Variants in FRYL observed in about 807,000 individuals in gnomAD.
FRYL encodes FRY like transcription coactivator, also known as protein furry homolog-like.
A neutral mutation model predicts 351.2 loss-of-function variants in FRYL; 150 were observed. The observed-to-expected ratio is 0.43, with a 90% CI of 0.37 to 0.49. The LOEUF is 0.49. Ranked by LOEUF, FRYL falls within the 20% of genes least tolerant of loss-of-function variation. FRYL has a pLI of 0.00. For synonymous variants in FRYL, 1,153 were observed against 1,257.1 expected, an observed-to-expected ratio of 0.92 and a Z score of 1.75; for missense variants, 3,036 against 3,619.3, an observed-to-expected ratio of 0.84 and a Z score of 4.13.
intron 1 of FRYL, among the ~76,000 whole-genome samples, chr4:48,715,360 A>G (rs1485874446): frequency 1.3e-5 from 2 of 152,204 alleles, no homozygotes; most frequent in East Asian, 1.9e-4. Flanking sequence ...ACACGATTGT[A>G]TATCTAGAAA....
intron 1 of FRYL, among the ~76,000 whole-genome samples, chr4:48,737,530 G>A (rs1184858573): frequency 6.6e-6 from 1 of 152,010 alleles, no homozygotes; most frequent in Non-Finnish European, 1.5e-5. Context: ...ACATTCACTG[G>A]TGAATTCTAC....
intron 35 of FRYL, among the ~76,000 whole-genome samples, chr4:48,554,400 A>T (rs1733608134): frequency 6.6e-6 from 1 of 151,000 alleles, no homozygotes; most frequent in African/African-American, 2.4e-5. Context: ...GTGCAGTGGC[A>T]CCATCGTGGC....
At chr4:48,657,234 G>A (rs527341926) in intron 3 of FRYL, among the ~76,000 whole-genome samples, 8 of 152,066 alleles carry the variant, frequency 5.3e-5, no homozygotes, top group Admixed American at 3.9e-4. Flanking sequence ...GCAGTAGCAC[G>A]AACAAGGTTC....
At chr4:48,622,341 G>T (rs1299345545) in intron 5 of FRYL, among the ~76,000 whole-genome samples, 3 of 152,086 alleles carry the variant, frequency 2.0e-5, no homozygotes, top group Non-Finnish European at 4.4e-5. Context: ...AGGTCTTACT[G>T]CCCTATTTAT....
chr4:48,736,858 AAAAAAAAAAAAAG>A (rs1289361839), intron 1 of FRYL, among the ~76,000 whole-genome samples: 1 of 149,582 alleles, frequency 6.7e-6, no homozygotes, highest in Non-Finnish European at 1.5e-5. Context: ...TCGAAAAAAA[AAAAAAAAAAAAAG>A]AAAAAAGAAA....
At chr4:48,581,043 TA>T in intron 21 of FRYL, 92 bp from the exon 22 acceptor site, 13 of 618,580 alleles carry the variant, frequency 2.1e-5, no homozygotes, top group South Asian at 4.8e-5. Flanking sequence ...ACTTCAGCAC[TA>T]TTTTTTTTTT....
intron 30 of FRYL, 116 bp downstream of exon 30, chr4:48,564,817 T>G: frequency 1.8e-6 from 1 of 553,456 alleles, no homozygotes; most frequent in African/African-American, 1.9e-5. Flanking sequence ...GCTTTTTGCA[T>G]ATGATCCTAA....
At chr4:48,585,184 T>G (rs1281354867) in intron 19 of FRYL, among the ~76,000 whole-genome samples, 1 of 152,220 alleles carries the variant, frequency 6.6e-6, no homozygotes, top group African/African-American at 2.4e-5. Flanking sequence ...AGGAATAGTA[T>G]CATAAATAAT....
chr4:48,566,091 C>T lies in FRYL; in HGVS notation c.3170-400G>A, dbSNP rs117773288. On this transcript the variant is annotated intron_variant, in intron 28 of 63. Coordinates refer to ENST00000358350, the MANE Select transcript of FRYL (RefSeq NM_015030.2). ...TTCACTGGTAAGTAAGGGCTTTGGA[C>T]GAGATACGTGTTTTCAAACTTTCTA... Among the ~76,000 whole-genome samples, 47 of 152,138 alleles carry T rather than the reference C, an allele frequency of 3.1e-4. No individual in the cohort carries two copies. The East Asian group carries it at 7.9e-3, about 26-fold the overall frequency.
chr4:48,584,056 T>C (rs1319514317), intron 19 of FRYL, among the ~76,000 whole-genome samples: 1 of 152,042 alleles, frequency 6.6e-6, no homozygotes, highest in Admixed American at 6.6e-5. Flanking sequence ...GTTACAGAAG[T>C]TTACCATAAC....
intron 13 of FRYL, among the ~76,000 whole-genome samples, chr4:48,596,728 T>C: frequency 6.6e-6 from 1 of 152,286 alleles, no homozygotes; most frequent in Middle Eastern, 3.4e-3. Flanking sequence ...ATTTAAATTA[T>C]TATTATTTAG....
In FRYL at chr4:48,589,885, A is replaced by G; in HGVS notation, c.1508-8T>C. On this transcript the variant is annotated splice_polypyrimidine_tract_variant and splice_region_variant and intron_variant, in intron 17 of 63. Coordinates refer to ENST00000358350, the MANE Select transcript of FRYL (RefSeq NM_015030.2). ...GATAGTAAACTGACATTCCTAGGGG[A>G]AAAAACTTCACAGTTATAAAATATC... 6.2e-7 allele frequency: 1 copy of G among 1,602,330 alleles called. No individual in the cohort carries two copies. The highest frequency in any genetic ancestry group is 8.5e-7 in the Non-Finnish European group (1 of 1,171,684).
intron 1 of FRYL, among the ~76,000 whole-genome samples, chr4:48,716,443 A>G (rs1462587953): frequency 6.6e-6 from 1 of 151,358 alleles, no homozygotes; most frequent in Admixed American, 6.6e-5. Flanking sequence ...AAAACAAACA[A>G]CCCCGTCAGA....
rs756148902 is a variant in FRYL at position 48,575,124 on chromosome 4, C to T, written c.2839G>A (p.Ala947Thr). The change falls in exon 25 of 64, where the codon GCT (alanine) becomes ACT (threonine). Residue 947 changes from alanine to threonine, a missense_variant. Around this residue, in one of 7 missense-constraint regions of FRYL, gnomAD observed 492 missense variants for 551.5 expected, o/e 0.89. Coordinates refer to ENST00000358350, the MANE Select transcript of FRYL (RefSeq NM_015030.2). ...ATGTACGAACATAGTTACCTAAAAG[C>T]TCCTGGGTTGGTCCTGCCAAGACCT... The part of the protein sequence containing the change: ...VLGLGRTNPG[A>T]FRELIEELHP... 1.2e-6 allele frequency: 2 copies of T among 1,613,408 alleles called. No homozygotes were observed. The highest frequency in any genetic ancestry group is 1.1e-5 in the South Asian group (1 of 91,052).
intron 4 of FRYL, among the ~76,000 whole-genome samples, chr4:48,630,733 T>C (rs963417584): frequency 3.3e-5 from 5 of 152,196 alleles, no homozygotes; most frequent in Non-Finnish European, 1.5e-5. Flanking sequence ...TTAATCTTCT[T>C]TTATTATGGT....
intron 16 of FRYL, 118 bp from the exon 17 acceptor site, chr4:48,590,948 G>T: frequency 1.4e-6 from 1 of 697,050 alleles, no homozygotes; most frequent in Non-Finnish European, 2.3e-6. Context: ...GAAGATAGAA[G>T]GAACACTAAC....
At chr4:48,701,955 C>A (rs1364160827) in intron 2 of FRYL, among the ~76,000 whole-genome samples, 1 of 152,142 alleles carries the variant, frequency 6.6e-6, no homozygotes, top group African/African-American at 2.4e-5. Context: ...TTGATGTGCA[C>A]TGAACTATAA....
chr4:48,688,167 G>C (rs1365386866), intron 2 of FRYL, among the ~76,000 whole-genome samples: 1 of 152,106 alleles, frequency 6.6e-6, no homozygotes, highest in African/African-American at 2.4e-5. Flanking sequence ...TTAAGATATG[G>C]AATCTATGAA....
At chr4:48,572,072 C>G in intron 26 of FRYL, 1 of 837,130 alleles carries the variant, frequency 1.2e-6, no homozygotes, top group South Asian at 5.5e-5. Context: ...TGAGGAATTG[C>G]AGATGATGTT....
Sources: allele counts gnomAD v4.1 joint callset (sites outside exome capture counted in the v4.1 genomes callset), GRCh38; gene constraint gnomAD v4.1.1; regional missense constraint gnomAD v4.1.1; transcripts MANE v1.5; gene names NCBI Gene and HGNC (gene_info 2026-07-23, HGNC 2026-07-21).